BACE2: variants seen among roughly 807,000 people sequenced by gnomAD.
BACE2 encodes the protein beta-secretase 2.
Under a neutral mutation model 46.2 loss-of-function variants are expected in BACE2, and 17 were observed. That is an observed-to-expected ratio of 0.37 (90% CI 0.25 to 0.55). The LOEUF (loss-of-function observed/expected upper bound fraction) is 0.55, where lower values mean the gene tolerates loss of function less well. Among genes scored for constraint, BACE2 ranks in the 20% least tolerant of loss-of-function variants. The pLI is 0.82. For missense variants in BACE2, 595 were observed against 698.1 expected, an observed-to-expected ratio of 0.85 and a Z score of 1.66; for synonymous variants, 277 against 295.9, an observed-to-expected ratio of 0.94 and a Z score of 0.66.
chr21:41,260,200 A>G (rs1013715852), intron 8 of BACE2, among the ~76,000 whole-genome samples: 1 of 152,066 alleles, frequency 6.6e-6, no homozygotes, highest in African/African-American at 2.4e-5. Context: ...GCTTGAGTGC[A>G]GTGGCATGAT....
chr21:41,222,924 A>T (rs1037767408), intron 1 of BACE2, among the ~76,000 whole-genome samples: 5 of 152,202 alleles, frequency 3.3e-5, no homozygotes, highest in Admixed American at 6.5e-5. Context: ...GTCGACCGAG[A>T]TGGTCAAGTC....
chr21:41,257,208 A>G lies in BACE2; in HGVS notation c.1185A>G (p.Arg395=), dbSNP rs1159066996. Residue 395 remains arginine, a synonymous_variant, in exon 8 of 9, where the codon CGA becomes CGG. Transcript: ENST00000330333. ...CCGGCCTGAATTATGAATGTTACCGATTCGGCATTTCCCCATCCACAAATG... is the reference window on the plus strand; with the variant it reads ...CCGGCCTGAATTATGAATGTTACCGGTTCGGCATTTCCCCATCCACAAATG... The part of the protein sequence containing the change: ...MGAGLNYECY[R]FGISPSTNAL... The G allele has an allele frequency of 6.2e-7, 1 of 1,614,098 alleles. No homozygotes were observed.
intron 1 of BACE2, among the ~76,000 whole-genome samples, chr21:41,202,477 A>C (rs551747172): frequency 1.4e-4 from 22 of 152,340 alleles, no homozygotes; most frequent in African/African-American, 3.6e-4. Context: ...GCTGGAAAGC[A>C]GTAGGGGATG....
chr21:41,187,792 T>C (rs1237930410), intron 1 of BACE2, among the ~76,000 whole-genome samples: 1 of 152,200 alleles, frequency 6.6e-6, no homozygotes, highest in Admixed American at 6.5e-5. Context: ...GTTAAGAGCT[T>C]GCAAACCCTT....
intron 1 of BACE2, chr21:41,178,757 T>A (rs900335697): frequency 5.2e-6 from 1 of 191,462 alleles, no homozygotes; most frequent in Admixed American, 5.3e-5. Context: ...AAGCACCTAC[T>A]GCATGTCAGG....
At chr21:41,205,173 T>G (rs1474983260) in intron 1 of BACE2, among the ~76,000 whole-genome samples, 1 of 152,244 alleles carries the variant, frequency 6.6e-6, no homozygotes, top group Non-Finnish European at 1.5e-5. Context: ...TAAAGCTAGG[T>G]CACAGCATTC....
intron 1 of BACE2, among the ~76,000 whole-genome samples, chr21:41,223,150 T>C (rs1986707306): frequency 6.6e-6 from 1 of 151,910 alleles, no homozygotes; most frequent in Admixed American, 6.6e-5. Context: ...GCCCGGGAGT[T>C]CAAGACCAGC....
intron 2 of BACE2, among the ~76,000 whole-genome samples, chr21:41,229,447 G>T (rs1986913210): frequency 6.6e-6 from 1 of 152,218 alleles, no homozygotes; most frequent in South Asian, 2.1e-4. Flanking sequence ...AAGCCCTGTG[G>T]ATGGCTACTT....
At chr21:41,206,898 G>T (rs1169653851) in intron 1 of BACE2, among the ~76,000 whole-genome samples, 2 of 152,214 alleles carry the variant, frequency 1.3e-5, no homozygotes, top group African/African-American at 4.8e-5. Flanking sequence ...GCCTGATGCT[G>T]CAGCAGGCGT....
intron 1 of BACE2, among the ~76,000 whole-genome samples, chr21:41,209,152 G>A (rs75762331): frequency 0.015 from 2,258 of 152,320 alleles, 25 homozygotes; most frequent in Non-Finnish European, 0.021. Context: ...CACCACTGCC[G>A]GTCTGTGTCC....
chr21:41,203,204 A>G (rs961552226), intron 1 of BACE2, among the ~76,000 whole-genome samples: 12 of 152,314 alleles, frequency 7.9e-5, no homozygotes, highest in African/African-American at 2.4e-5. Flanking sequence ...GACAGATGCT[A>G]TGAAGAACAT....
chr21:41,236,232 G>A (rs977415883), intron 2 of BACE2, among the ~76,000 whole-genome samples: 7 of 152,162 alleles, frequency 4.6e-5, no homozygotes, highest in Non-Finnish European at 1.0e-4. Context: ...CATGACACCT[G>A]CTGTCCTCTC....
At chr21:41,275,157 C>T (rs1034492402) in intron 8 of BACE2, among the ~76,000 whole-genome samples, 1 of 152,164 alleles carries the variant, frequency 6.6e-6, no homozygotes, top group South Asian at 2.1e-4. Context: ...ACCCACACAC[C>T]TTAAAACATG....
chr21:41,246,500 A>G (rs1345890265), intron 6 of BACE2, among the ~76,000 whole-genome samples: 1 of 152,222 alleles, frequency 6.6e-6, no homozygotes, highest in East Asian at 1.9e-4. Context: ...AGCCTTTGAA[A>G]CAAAACAAAC....
At chr21:41,196,987 G>A (rs1355826299) in intron 1 of BACE2, among the ~76,000 whole-genome samples, 1 of 152,106 alleles carries the variant, frequency 6.6e-6, no homozygotes, top group Non-Finnish European at 1.5e-5. Flanking sequence ...TTTTGAGACA[G>A]GGTCTCACTC....
At chr21:41,241,407 G>A (rs1416986480) in intron 3 of BACE2, among the ~76,000 whole-genome samples, 1 of 152,054 alleles carries the variant, frequency 6.6e-6, no homozygotes. Flanking sequence ...GCGGCTGACA[G>A]GCAAACAAAG....
chr21:41,192,993 T>G (rs922980747), intron 1 of BACE2, among the ~76,000 whole-genome samples: 15 of 152,322 alleles, frequency 9.8e-5, no homozygotes, highest in Non-Finnish European at 1.6e-4. Flanking sequence ...TGAATTTTAG[T>G]CATATTTATT....
At chr21:41,249,168 A>C (rs1987562405) in intron 6 of BACE2, among the ~76,000 whole-genome samples, 1 of 144,014 alleles carries the variant, frequency 6.9e-6, no homozygotes, top group Non-Finnish European at 1.5e-5. Context: ...CCACATGTAC[A>C]CTTGGCCTCA....
chr21:41,237,440 C>G, intron 2 of BACE2, 73 bp from the exon 3 acceptor site: 1 of 1,142,690 alleles, frequency 8.8e-7, no homozygotes, highest in Non-Finnish European at 1.2e-6. Flanking sequence ...AGCAAGACTC[C>G]GTCTCAAAAA....
Sources: gnomAD v4.1 joint callset for allele counts (sites outside exome capture counted in the v4.1 genomes callset) on GRCh38, gnomAD v4.1.1 for gene constraint, MANE v1.5 for transcripts, NCBI Gene and HGNC (gene_info 2026-07-23, HGNC 2026-07-21) for gene names.